Variants in CDC16 observed in about 807,000 individuals in gnomAD.
The protein encoded by CDC16 is cell division cycle protein 16 homolog.
In CDC16, 34 loss-of-function variants were observed where a neutral mutation model predicts 87.0. The observed-to-expected ratio is 0.39, with a 90% CI of 0.30 to 0.52. The LOEUF (loss-of-function observed/expected upper bound fraction) is 0.52, where lower values mean the gene tolerates loss of function less well. CDC16 is among the 20% of genes least tolerant of loss of function. The probability of loss-of-function intolerance (pLI) is 0.74; values close to 1 mark genes in which losing one functional copy is unlikely to be tolerated. For missense variants in CDC16, 653 were observed against 751.9 expected (o/e 0.87, Z 1.54); for synonymous variants, 263 against 260.6 (o/e 1.01, Z -0.09).
At chr13:114,260,613 C>T (rs1314290350) in intron 14 of CDC16, among the ~76,000 whole-genome samples, 2 of 152,156 alleles carry the variant, frequency 1.3e-5, no homozygotes, top group African/African-American at 4.8e-5. Context: ...TTAAGGGGCA[C>T]TAAATTTAGA....
At chr13:114,243,813 T>G (rs1182086448) in intron 7 of CDC16, 43 bp from the exon 8 acceptor site, 1 of 1,538,074 alleles carries the variant, frequency 6.5e-7, no homozygotes, top group Non-Finnish European at 8.9e-7. Flanking sequence ...TTTTATTTTG[T>G]TTTTGCTCAT....
chr13:114,253,992 T>C (rs937090041), intron 12 of CDC16, among the ~76,000 whole-genome samples: 5 of 152,252 alleles, frequency 3.3e-5, no homozygotes, highest in Non-Finnish European at 2.9e-5. Context: ...GGTGTGTACA[T>C]GTTTATAATT....
At chr13:114,254,202 G>C (rs1228747078) in intron 12 of CDC16, among the ~76,000 whole-genome samples, 3 of 151,792 alleles carry the variant, frequency 2.0e-5, no homozygotes, top group African/African-American at 7.3e-5. Flanking sequence ...CATGTCTCTT[G>C]TTGACAACAT....
chr13:114,239,132 T>A, intron 4 of CDC16, 104 bp downstream of exon 4: 1 of 1,502,498 alleles, frequency 6.7e-7, no homozygotes, highest in Non-Finnish European at 9.1e-7. Context: ...AGCAGGTTAG[T>A]AAAGTATTTC....
intron 17 of CDC16, among the ~76,000 whole-genome samples, chr13:114,270,752 C>T (rs903771516): frequency 6.6e-6 from 1 of 152,152 alleles, no homozygotes; most frequent in Non-Finnish European, 1.5e-5. Flanking sequence ...TAGGTTGAAG[C>T]CTCAGCTCTG....
At chr13:114,268,790 G>A (rs924010395) in intron 17 of CDC16, among the ~76,000 whole-genome samples, 1 of 152,158 alleles carries the variant, frequency 6.6e-6, no homozygotes, top group African/African-American at 2.4e-5. Context: ...TCCAGCCTAA[G>A]CAGCAGAGTG....
At chr13:114,241,252 TTAGA>T (rs1211580035) in intron 5 of CDC16, among the ~76,000 whole-genome samples, 2 of 152,204 alleles carry the variant, frequency 1.3e-5, no homozygotes, top group African/African-American at 4.8e-5. Flanking sequence ...GTTCTATAAG[TTAGA>T]TAGTGTTTTT....
At chr13:114,253,288 A>T (rs1594618683) in intron 12 of CDC16, among the ~76,000 whole-genome samples, 1 of 152,234 alleles carries the variant, frequency 6.6e-6, no homozygotes, top group Admixed American at 6.5e-5. Flanking sequence ...GTTGACATTT[A>T]ACTTCCACAT....
chr13:114,245,069 A>AG (rs2081785423), intron 9 of CDC16, 100 bp downstream of exon 9: 1 of 661,622 alleles, frequency 1.5e-6, no homozygotes, highest in Non-Finnish European at 2.6e-6. Context: ...TTGAGATTGC[A>AG]GGTAACAACA....
rs2081589828 is a variant in CDC16 at position 114,242,249 on chromosome 13, A to C, written c.510A>C (p.Leu170Phe). The C allele has an allele frequency of 6.2e-7, 1 of 1,613,914 alleles. No homozygotes were observed. The highest frequency in any genetic ancestry group is 1.7e-5 in the Admixed American group (1 of 59,992). The change falls in exon 6 of 18, where the codon TTA becomes TTC. Residue 170 changes from leucine to phenylalanine, a missense_variant. Leu to Phe is a conservative substitution (Grantham distance 22). Transcript: ENST00000356221. ...ACTGTTTTGAAGCGTTCGATCTTTT[A>C]ACATCACATCACATGCTGACAGCAC... ...DVYCFEAFDLLTSHHMLTAQE... is the reference protein window; with the variant it reads ...DVYCFEAFDLFTSHHMLTAQE...
At chr13:114,266,698 CTT>C (rs879303491) in intron 17 of CDC16, among the ~76,000 whole-genome samples, 4 of 146,356 alleles carry the variant, frequency 2.7e-5, no homozygotes, top group Non-Finnish European at 3.0e-5. Context: ...ATTACTGAAT[CTT>C]TTTTTTTTTT....
rs772879782 is a variant in CDC16, at chr13:114,243,341, T to G, written c.626T>G (p.Leu209Trp). Residue 209 changes from leucine to tryptophan, a missense_variant, in exon 7 of 18, where the codon TTG becomes TGG. Leu to Trp is a moderately conservative substitution (Grantham distance 61). Coordinates refer to ENST00000356221, the MANE Select transcript of CDC16 (RefSeq NM_001078645.3). ...ELLRFLFENK[L>W]KKYNKPSETV... The stretch of plus-strand genomic sequence containing the variant: ...CTGCGTTTTCTATTTGAGAACAAAT[T>G]GAAAAAAGTAAGTAAAACCAAAGAG... 3.3e-6 allele frequency: 5 copies of G among 1,522,712 alleles called. No individual in the cohort carries two copies. The Admixed American group carries it at 5.0e-5, about 15-fold the overall frequency. The allele number at this position is 1,522,712 out of a possible 1,614,324, so 94.3% of individuals were successfully genotyped here.
At chr13:114,239,082 C>A (rs917362508) in intron 4 of CDC16, 54 bp downstream of exon 4, 1 of 912,442 alleles carries the variant, frequency 1.1e-6, no homozygotes, top group South Asian at 2.4e-5. Context: ...GAGTGTTATG[C>A]ATCTCTTAAA....
At chr13:114,242,533 G>A (rs1203465387) in intron 6 of CDC16, 13 of 405,976 alleles carry the variant, frequency 3.2e-5, no homozygotes, top group African/African-American at 2.5e-4. Flanking sequence ...GTATAAACCA[G>A]GATTTCAGTA....
At chr13:114,267,496 A>AC (rs1594690121) in intron 17 of CDC16, among the ~76,000 whole-genome samples, 4 of 152,120 alleles carry the variant, frequency 2.6e-5, no homozygotes, top group Admixed American at 2.6e-4. Flanking sequence ...CAATCTCAAA[A>AC]CAAAAAAAAA....
intron 13 of CDC16, among the ~76,000 whole-genome samples, chr13:114,257,898 T>C (rs1010858586): frequency 5.9e-5 from 9 of 152,294 alleles, no homozygotes; most frequent in Middle Eastern, 3.4e-3. Context: ...GCGATTCTCC[T>C]GCCTCAGCCT....
chr13:114,243,006 G>C (rs2081635309), intron 6 of CDC16, among the ~76,000 whole-genome samples: 1 of 152,134 alleles, frequency 6.6e-6, no homozygotes, highest in Non-Finnish European at 1.5e-5. Context: ...GCGGAGGCTG[G>C]TGGTTCTTAG....
chr13:114,265,106 A>G, intron 16 of CDC16, 44 bp from the exon 17 acceptor site: 1 of 1,337,666 alleles, frequency 7.5e-7, no homozygotes. Context: ...TAAGAGAAGG[A>G]AATATGTTTT....
intron 6 of CDC16, 151 bp downstream of exon 6, chr13:114,242,431 T>C (rs775500406): frequency 9.8e-5 from 68 of 697,424 alleles, no homozygotes; most frequent in Non-Finnish European, 1.5e-4. Flanking sequence ...GTAAAGCACG[T>C]TGCAGAATGC....
Sources: gnomAD v4.1 joint callset for allele counts (sites outside exome capture counted in the v4.1 genomes callset) on GRCh38, gnomAD v4.1.1 for gene constraint, MANE v1.5 for transcripts, NCBI Gene and HGNC (gene_info 2026-07-23, HGNC 2026-07-21) for gene names.